Variants in CSMD1 observed in about 807,000 individuals in gnomAD.
The protein encoded by CSMD1 is CUB and sushi domain-containing protein 1.
CSMD1 carries 213 observed loss-of-function variants against 417.5 expected under a neutral mutation model. The ratio of observed to expected loss-of-function variants is 0.51; its 90% CI spans 0.46 to 0.57. The LOEUF (loss-of-function observed/expected upper bound fraction) is 0.57. Among genes scored for constraint, CSMD1 ranks in the 20% least tolerant of loss-of-function variants. The pLI is 0.00. For synonymous variants in CSMD1, 2,862 were observed against 1,736.8 expected (o/e 1.65, Z -16.11); for missense variants, 6,923 against 4,529.7 (o/e 1.53, Z -15.17).
intron 3 of CSMD1, among the ~76,000 whole-genome samples, chr8:4,148,774 G>C (rs767981321): frequency 1.3e-5 from 2 of 152,220 alleles, no homozygotes; most frequent in African/African-American, 2.4e-5. Context: ...ATCACCCTGA[G>C]TTTAGAATTT....
chr8:4,157,314 C>G (rs1287037156), intron 3 of CSMD1, among the ~76,000 whole-genome samples: 1 of 152,200 alleles, frequency 6.6e-6, no homozygotes, highest in Non-Finnish European at 1.5e-5. Context: ...ACTGCACCAG[C>G]AACTCAGGGT....
intron 1 of CSMD1, among the ~76,000 whole-genome samples, chr8:4,826,678 C>G (rs1038104851): frequency 1.3e-5 from 2 of 152,124 alleles, no homozygotes; most frequent in Non-Finnish European, 2.9e-5. Flanking sequence ...TTCCTTCCCA[C>G]TCATTCTAAG....
At chr8:4,937,054 T>G (rs1807669286) in intron 1 of CSMD1, among the ~76,000 whole-genome samples, 1 of 152,006 alleles carries the variant, frequency 6.6e-6, no homozygotes, top group Admixed American at 6.6e-5. Flanking sequence ...GTATGAACAA[T>G]TAAAAATAAT....
At position 4,400,058 on chromosome 8, in the gene CSMD1, G is replaced by C. The variant is rs117410777; in HGVS notation, c.415+19895C>G. Among the ~76,000 whole-genome samples the C allele has an allele frequency of 1.1e-3, 171 of 152,244 alleles. 3 individuals are homozygous for C. The East Asian group carries it at 0.028, about 25-fold the overall frequency. On this transcript the variant is annotated intron_variant, in intron 3 of 69. Transcript: ENST00000635120. Reference sequence around the variant, plus strand: ...CACACACATAATTAACTTATGGACAGTATCAGCATGCCAAAAGAGAGATCT... The same window carrying C: ...CACACACATAATTAACTTATGGACACTATCAGCATGCCAAAAGAGAGATCT...
intron 68 of CSMD1, among the ~76,000 whole-genome samples, chr8:2,946,379 T>C (rs972466466): frequency 2.6e-5 from 4 of 152,110 alleles, no homozygotes; most frequent in Non-Finnish European, 5.9e-5. Context: ...TCTCTTAGCT[T>C]TATTCTTCCT....
intron 5 of CSMD1, among the ~76,000 whole-genome samples, chr8:3,792,235 G>C (rs998491179): frequency 1.3e-5 from 2 of 152,064 alleles, no homozygotes; most frequent in Non-Finnish European, 2.9e-5. Context: ...CGAGGCTGCA[G>C]GGAGTTATGA....
At chr8:3,884,259 C>G (rs1203923865) in intron 5 of CSMD1, among the ~76,000 whole-genome samples, 1 of 152,198 alleles carries the variant, frequency 6.6e-6, no homozygotes, top group Non-Finnish European at 1.5e-5. Context: ...CAAGTCTAAC[C>G]TGTCTTCAAC....
chr8:3,942,378 C>T (rs1190887013), intron 5 of CSMD1, among the ~76,000 whole-genome samples: 1 of 152,092 alleles, frequency 6.6e-6, no homozygotes, highest in Non-Finnish European at 1.5e-5. Context: ...CTACCTTAAC[C>T]CAAGCACCTT....
chr8:3,996,590 C>T (rs1006214837), intron 5 of CSMD1, among the ~76,000 whole-genome samples: 11 of 152,088 alleles, frequency 7.2e-5, no homozygotes, highest in Admixed American at 4.6e-4. Context: ...TTAGACATAG[C>T]GAGATAGGTA....
chr8:4,122,232 G>T (rs142380735), intron 3 of CSMD1, among the ~76,000 whole-genome samples: 4 of 152,122 alleles, frequency 2.6e-5, no homozygotes, highest in Non-Finnish European at 5.9e-5. Context: ...TTTTGTGAGG[G>T]AAGTGCAGTT....
chr8:4,797,460 T>A (rs1175579084), intron 1 of CSMD1, among the ~76,000 whole-genome samples: 1 of 152,136 alleles, frequency 6.6e-6, no homozygotes, highest in Non-Finnish European at 1.5e-5. Context: ...ATAGGTCATG[T>A]TTTTATTATG....
intron 5 of CSMD1, among the ~76,000 whole-genome samples, chr8:3,887,332 T>C (rs1480780189): frequency 6.6e-6 from 1 of 152,132 alleles, no homozygotes; most frequent in Non-Finnish European, 1.5e-5. Flanking sequence ...TCTGAGACGT[T>C]TTCAGGATAG....
intron 29 of CSMD1, among the ~76,000 whole-genome samples, chr8:3,217,600 G>C (rs948625632): frequency 6.6e-6 from 1 of 152,146 alleles, no homozygotes; most frequent in Non-Finnish European, 1.5e-5. Flanking sequence ...GTGAATTCTT[G>C]TTAAGAAACT....
intron 2 of CSMD1, among the ~76,000 whole-genome samples, chr8:4,612,082 G>C (rs1345950982): frequency 1.3e-5 from 2 of 152,120 alleles, no homozygotes; most frequent in African/African-American, 4.8e-5. Context: ...ATAGAAGAGT[G>C]CTGGGAAGAG....
chr8:3,368,333 A>C (rs1187740674), intron 19 of CSMD1, among the ~76,000 whole-genome samples: 1 of 151,638 alleles, frequency 6.6e-6, no homozygotes, highest in Non-Finnish European at 1.5e-5. Context: ...TTCCAAATAG[A>C]CTCTTGTTTA....
chr8:3,790,379 T>C (rs1394122460), intron 5 of CSMD1, among the ~76,000 whole-genome samples: 2 of 152,122 alleles, frequency 1.3e-5, no homozygotes, highest in African/African-American at 4.8e-5. Flanking sequence ...GTGATGGTTA[T>C]GATGATGGTG....
intron 3 of CSMD1, among the ~76,000 whole-genome samples, chr8:4,119,562 T>C (rs949628770): frequency 1.4e-5 from 2 of 146,580 alleles, no homozygotes; most frequent in African/African-American, 2.5e-5. Context: ...CTTAAGGGTG[T>C]AGACCAGAGG....
intron 5 of CSMD1, among the ~76,000 whole-genome samples, chr8:3,976,233 T>TC (rs1255487334): frequency 6.6e-6 from 1 of 152,194 alleles, no homozygotes; most frequent in Non-Finnish European, 1.5e-5. Flanking sequence ...ATACTTTAAA[T>TC]ACCATTTTAA....
intron 37 of CSMD1, among the ~76,000 whole-genome samples, chr8:3,165,474 C>T (rs1409464784): frequency 6.6e-6 from 1 of 151,796 alleles, no homozygotes; most frequent in Non-Finnish European, 1.5e-5. Context: ...CTCTGTCGCC[C>T]AGGCTGGAGT....
Sources: allele counts gnomAD v4.1 joint callset (sites outside exome capture counted in the v4.1 genomes callset), GRCh38; gene constraint gnomAD v4.1.1; transcripts MANE v1.5; gene names NCBI Gene and HGNC (gene_info 2026-07-23, HGNC 2026-07-21).